DHX34: variants seen among roughly 807,000 people sequenced by gnomAD.
DHX34 encodes DExH-box helicase 34, also known as probable ATP-dependent RNA helicase DHX34.
DHX34 carries 96 observed loss-of-function variants against 111.1 expected under a neutral mutation model. The observed-to-expected ratio is 0.86, with a 90% CI of 0.73 to 1.02. The LOEUF (loss-of-function observed/expected upper bound fraction) is 1.02, where lower values mean the gene tolerates loss of function less well. DHX34 is among the 50% of genes least tolerant of loss of function. The pLI is 0.00. For missense variants in DHX34, 1,560 were observed against 1,579.9 expected (o/e 0.99, Z 0.21); for synonymous variants, 688 against 670.4 (o/e 1.03, Z -0.41).
intron 6 of DHX34, among the ~76,000 whole-genome samples, chr19:47,366,344 A>G (rs1469206223): frequency 6.6e-6 from 1 of 151,778 alleles, no homozygotes; most frequent in African/African-American, 2.4e-5. Context: ...GCAGTGGTGC[A>G]ATCTCGGCTC....
In DHX34 at chr19:47,357,944, C is replaced by T. The variant is rs1488785619; in HGVS notation, c.1096C>T (p.Leu366=). ...KLDPRPFLRV[L]ESIDHKYPPE... Reference sequence around the variant, plus strand: ...GGACCCGCGGCCTTTCCTGAGGGTGCTGGAGTCCATTGACCACAAGTACCC... The same window carrying T: ...GGACCCGCGGCCTTTCCTGAGGGTGTTGGAGTCCATTGACCACAAGTACCC... Residue 366 remains leucine, a synonymous_variant, in exon 4 of 17, where the codon CTG becomes TTG. Coordinates refer to ENST00000328771, the MANE Select transcript of DHX34 (RefSeq NM_014681.6). 2 of 1,614,034 alleles carry T rather than the reference C, an allele frequency of 1.2e-6. No homozygotes were observed. Among genetic ancestry groups the T allele is most frequent in the Admixed American group, 3.3e-5 (2 of 60,032 alleles).
At chr19:47,381,555 G>GT (rs1430329320) in intron 16 of DHX34, 2 of 625,362 alleles carry the variant, frequency 3.2e-6, no homozygotes, top group Non-Finnish European at 2.7e-6. Context: ...GTGTCTCTGT[G>GT]TTGCTGTCTT....
intron 6 of DHX34, among the ~76,000 whole-genome samples, chr19:47,364,539 C>G (rs923370780): frequency 2.0e-5 from 3 of 152,016 alleles, no homozygotes; most frequent in Admixed American, 6.6e-5. Context: ...GCCAGGAAGT[C>G]GAGACCAGCC....
chr19:47,352,965 T>G lies in DHX34; in HGVS notation c.-66T>G. 6.6e-7 allele frequency: 1 copy of G among 1,522,434 alleles called. No individual in the cohort carries two copies. Among genetic ancestry groups the G allele is most frequent in the East Asian group, 2.3e-5 (1 of 43,126 alleles). 94.3% of individuals were successfully genotyped at this position (1,522,434 alleles called of 1,614,324 possible). A position where few individuals can be genotyped will look rare whatever the true frequency, so the allele number is the denominator to read the frequency against. On this transcript the variant is annotated 5_prime_UTR_variant, in exon 2 of 17. Transcript: ENST00000328771. The stretch of plus-strand genomic sequence containing the variant: ...CACTGGCCTCTTAAATTGTTGCAGG[T>G]GGGGAATGGATGAGAATATTTGTTT...
At chr19:47,368,624 G>A (rs986321534) in intron 7 of DHX34, among the ~76,000 whole-genome samples, 4 of 146,786 alleles carry the variant, frequency 2.7e-5, no homozygotes, top group Non-Finnish European at 4.5e-5. Flanking sequence ...GTGTGTGTGT[G>A]TGTGTGTATA....
intron 6 of DHX34, among the ~76,000 whole-genome samples, chr19:47,363,148 G>A (rs1969686286): frequency 6.6e-6 from 1 of 151,874 alleles, no homozygotes; most frequent in South Asian, 2.1e-4. Context: ...TAGAGATGGG[G>A]TTACACCATG....
intron 8 of DHX34, 137 bp downstream of exon 8, chr19:47,373,060 C>A: frequency 8.5e-7 from 1 of 1,180,852 alleles, no homozygotes; most frequent in East Asian, 2.8e-5. Context: ...CTGGGCCTGC[C>A]TGGGGAGGGC....
At position 47,375,638 on chromosome 19, in the gene DHX34, A is replaced by T; in HGVS notation, c.2237A>T (p.Asp746Val). Residue 746 changes from aspartate to valine, a missense_variant, in exon 10 of 17, where the codon GAC (aspartate) becomes GTC (valine). Coordinates refer to ENST00000328771, the MANE Select transcript of DHX34 (RefSeq NM_014681.6). ...RKVLRLQEEQDGGSSDEDRAG... is the reference protein window; with the variant it reads ...RKVLRLQEEQVGGSSDEDRAG... ...GTGCTGCGGCTGCAGGAGGAGCAGG[A>T]CGGCGGCTCCAGTGACGAGGACAGG... 1 of 1,553,060 alleles carries T rather than the reference A, an allele frequency of 6.4e-7. No individual in the cohort carries two copies. Among genetic ancestry groups the T allele is most frequent in the Non-Finnish European group, 8.7e-7 (1 of 1,152,066 alleles).
At chr19:47,365,290 C>T (rs1239851905) in intron 6 of DHX34, among the ~76,000 whole-genome samples, 5 of 152,032 alleles carry the variant, frequency 3.3e-5, no homozygotes, top group South Asian at 2.1e-4. Flanking sequence ...CTCACTCTGT[C>T]GCCCAGGCTG....
chr19:47,354,660 T>C (rs1348427235), intron 2 of DHX34, among the ~76,000 whole-genome samples: 4 of 151,952 alleles, frequency 2.6e-5, no homozygotes. Flanking sequence ...TTGCTTTTTC[T>C]TTTTTTTGAG....
intron 16 of DHX34, chr19:47,381,671 A>G: frequency 1.6e-6 from 1 of 630,040 alleles, no homozygotes; most frequent in Non-Finnish European, 2.6e-6. Context: ...CAGGGATGCC[A>G]CACACTGGGG....
At chr19:47,360,106 A>C in intron 5 of DHX34, 36 bp downstream of exon 5, 2 of 1,601,490 alleles carry the variant, frequency 1.2e-6, no homozygotes, top group Non-Finnish European at 1.7e-6. Flanking sequence ...CACCACCCCC[A>C]AGGACTTAGG....
chr19:47,363,262 T>C (rs1474934162), intron 6 of DHX34, among the ~76,000 whole-genome samples: 1 of 151,960 alleles, frequency 6.6e-6, no homozygotes, highest in African/African-American at 2.4e-5. Flanking sequence ...CCTAACTTTT[T>C]TTATTTTTAG....
rs369118907 is a variant in DHX34, at chr19:47,382,164, C to T, written c.*51C>T. 2.1e-5 allele frequency: 33 copies of T among 1,606,574 alleles called. No homozygotes were observed. Among genetic ancestry groups the T allele is most frequent in the Admixed American group, 1.4e-4 (8 of 58,896 alleles). The stretch of plus-strand genomic sequence containing the variant: ...CCGTGCAGCTGACCTGCCCTCCAGC[C>T]CAGGACTAGGGGCAGGACTCTTGCC... On this transcript the variant is annotated 3_prime_UTR_variant, in exon 17 of 17. Coordinates refer to ENST00000328771, the MANE Select transcript of DHX34 (RefSeq NM_014681.6).
At chr19:47,363,929 G>T (rs776747012) in intron 6 of DHX34, among the ~76,000 whole-genome samples, 8 of 152,068 alleles carry the variant, frequency 5.3e-5, no homozygotes, top group Non-Finnish European at 8.8e-5. Flanking sequence ...TTAAAACCAG[G>T]GTTTCTCAAT....
In DHX34 at chr19:47,362,584, C is replaced by A; in HGVS notation, c.1484C>A (p.Thr495Lys). 6.2e-7 allele frequency: 1 copy of A among 1,613,562 alleles called. No homozygotes were observed. Among genetic ancestry groups the A allele is most frequent in the South Asian group, 1.1e-5 (1 of 91,040 alleles). Reference protein sequence around the residue: ...AEQRKGRAGRTGPGVCFRLYA... With the variant: ...AEQRKGRAGRKGPGVCFRLYA... ...CAGCGGAAGGGCCGGGCGGGCCGCA[C>A]GGGCCCCGGAGTCTGCTTCCGCCTC... The change falls in exon 6 of 17, where the codon ACG becomes AAG. Residue 495 changes from threonine to lysine, a missense_variant. Physicochemically the swap from Thr to Lys is moderately conservative, Grantham distance 78. Coordinates refer to ENST00000328771, the MANE Select transcript of DHX34 (RefSeq NM_014681.6).
At chr19:47,376,206 C>G in intron 11 of DHX34, 109 bp downstream of exon 11, 1 of 1,463,752 alleles carries the variant, frequency 6.8e-7, no homozygotes, top group South Asian at 1.4e-5. Flanking sequence ...TGGTTCTGTC[C>G]CCATGGGGCT....
At chr19:47,364,652 C>T (rs112546657) in intron 6 of DHX34, among the ~76,000 whole-genome samples, 2,954 of 152,084 alleles carry the variant, frequency 0.019, 42 homozygotes, top group Non-Finnish European at 0.028. Flanking sequence ...GCAGGAGGAT[C>T]GCTAGAGCCC....
chr19:47,365,449 A>G (rs1020466726), intron 6 of DHX34, among the ~76,000 whole-genome samples: 4 of 152,032 alleles, frequency 2.6e-5, no homozygotes, highest in African/African-American at 9.7e-5. Flanking sequence ...AGGGAGTTTC[A>G]CCATGTTGAT....
Sources: gnomAD v4.1 joint callset for allele counts (sites outside exome capture counted in the v4.1 genomes callset) on GRCh38, gnomAD v4.1.1 for gene constraint, MANE v1.5 for transcripts, NCBI Gene and HGNC (gene_info 2026-07-23, HGNC 2026-07-21) for gene names.